IQGAP2: variants seen among roughly 807,000 people sequenced by gnomAD.
The protein encoded by IQGAP2 is ras GTPase-activating-like protein IQGAP2.
A neutral mutation model predicts 201.3 loss-of-function variants in IQGAP2; 173 were observed. That is an observed-to-expected ratio of 0.86 (90% CI 0.76 to 0.98). IQGAP2 has a LOEUF of 0.98. Among genes scored for constraint, IQGAP2 ranks in the 50% least tolerant of loss-of-function variants. IQGAP2 has a pLI of 0.00. For synonymous variants in IQGAP2, 675 were observed against 673.9 expected (o/e 1.00, Z -0.03); for missense variants, 1,687 against 1,864.8 (o/e 0.90, Z 1.76).
At chr5:76,642,017 T>C (rs1051413858) in intron 17 of IQGAP2, among the ~76,000 whole-genome samples, 6 of 152,174 alleles carry the variant, frequency 3.9e-5, no homozygotes, top group African/African-American at 1.2e-4. Context: ...TAAGATATTA[T>C]TAGCAAAGCA....
intron 16 of IQGAP2, among the ~76,000 whole-genome samples, chr5:76,639,012 G>C (rs937556307): frequency 2.0e-5 from 3 of 152,172 alleles, no homozygotes; most frequent in African/African-American, 7.2e-5. Flanking sequence ...TTTCCAACTG[G>C]TGTCTCTACA....
At chr5:76,492,066 A>G (rs904994176) in intron 2 of IQGAP2, among the ~76,000 whole-genome samples, 8 of 152,178 alleles carry the variant, frequency 5.3e-5, no homozygotes. Flanking sequence ...GACCTTAGTA[A>G]TAACATCATA....
intron 9 of IQGAP2, among the ~76,000 whole-genome samples, chr5:76,594,678 A>G (rs937920046): frequency 3.9e-5 from 6 of 152,190 alleles, no homozygotes; most frequent in Non-Finnish European, 5.9e-5. Flanking sequence ...TAAAATACGT[A>G]AGAATCAGCT....
chr5:76,679,449 C>A (rs1745097492), intron 28 of IQGAP2, among the ~76,000 whole-genome samples: 1 of 152,312 alleles, frequency 6.6e-6, no homozygotes, highest in Admixed American at 6.5e-5. Flanking sequence ...TGTCTGCCTT[C>A]TGTGTGGAGG....
At chr5:76,670,803 A>G (rs578169898) in intron 23 of IQGAP2, among the ~76,000 whole-genome samples, 7 of 152,348 alleles carry the variant, frequency 4.6e-5, no homozygotes, top group East Asian at 1.9e-4. Context: ...AGTTCATTCA[A>G]TCAAGAAAGT....
intron 2 of IQGAP2, among the ~76,000 whole-genome samples, chr5:76,552,082 A>T (rs528913894): frequency 1.3e-5 from 2 of 152,154 alleles, no homozygotes; most frequent in Non-Finnish European, 2.9e-5. Context: ...GGGTGAGAGT[A>T]GTAGCTTTAG....
chr5:76,590,370 G>A (rs2150307987), intron 7 of IQGAP2, 38 bp from the exon 8 acceptor site: 1 of 1,527,228 alleles, frequency 6.5e-7, no homozygotes. Flanking sequence ...GTCTTTTGCT[G>A]ATAAAAACCT....
At chr5:76,490,008 T>C (rs1476396145) in intron 2 of IQGAP2, among the ~76,000 whole-genome samples, 2 of 152,116 alleles carry the variant, frequency 1.3e-5, no homozygotes, top group African/African-American at 2.4e-5. Flanking sequence ...GTGAAGAGAG[T>C]TCTGTTGGCA....
chr5:76,660,540 G>A (rs957947314), intron 21 of IQGAP2, among the ~76,000 whole-genome samples: 1 of 152,092 alleles, frequency 6.6e-6, no homozygotes, highest in African/African-American at 2.4e-5. Flanking sequence ...TTAAAATAAA[G>A]GCTTAGTTGC....
At chr5:76,640,785 A>G (rs990104758) in intron 16 of IQGAP2, 148 bp from the exon 17 acceptor site, 8 of 544,362 alleles carry the variant, frequency 1.5e-5, no homozygotes, top group African/African-American at 1.3e-4. Context: ...AGCCAGTTTC[A>G]TCCCTCAGCT....
At chr5:76,527,489 T>C (rs1242919266) in intron 2 of IQGAP2, among the ~76,000 whole-genome samples, 1 of 152,174 alleles carries the variant, frequency 6.6e-6, no homozygotes, top group African/African-American at 2.4e-5. Flanking sequence ...AAAGTGAAAA[T>C]ATAGTAAATT....
At chr5:76,641,726 C>G (rs1300931191) in intron 17 of IQGAP2, among the ~76,000 whole-genome samples, 1 of 152,142 alleles carries the variant, frequency 6.6e-6, no homozygotes, top group Non-Finnish European at 1.5e-5. Context: ...CCAGTCACCA[C>G]ACTGGTTTGT....
chr5:76,685,724 T>C (rs1383996888), intron 30 of IQGAP2, among the ~76,000 whole-genome samples: 2 of 152,154 alleles, frequency 1.3e-5, no homozygotes, highest in African/African-American at 4.8e-5. Context: ...AAACAAACAC[T>C]ATCCACTTCT....
At chr5:76,536,836 G>A (rs1759656797) in intron 2 of IQGAP2, among the ~76,000 whole-genome samples, 1 of 151,964 alleles carries the variant, frequency 6.6e-6, no homozygotes, top group Non-Finnish European at 1.5e-5. Flanking sequence ...TTTTACCTGT[G>A]GAAAATGATT....
chr5:76,496,752 T>TC (rs1467945212), intron 2 of IQGAP2, among the ~76,000 whole-genome samples: 14 of 67,258 alleles, frequency 2.1e-4, no homozygotes, highest in African/African-American at 1.2e-3. Flanking sequence ...TTTCTTTCTT[T>TC]CTTTCTTTCT....
chr5:76,428,941 A>C (rs938431996), intron 1 of IQGAP2, among the ~76,000 whole-genome samples: 13 of 151,834 alleles, frequency 8.6e-5, no homozygotes, highest in African/African-American at 3.1e-4. Flanking sequence ...AAAAATACAT[A>C]AATTAGCCAG....
At chr5:76,560,183 T>C (rs1335534215) in intron 2 of IQGAP2, among the ~76,000 whole-genome samples, 1 of 152,192 alleles carries the variant, frequency 6.6e-6, no homozygotes, top group African/African-American at 2.4e-5. Context: ...GACAGAGTCT[T>C]GCACTGTTGC....
intron 1 of IQGAP2, among the ~76,000 whole-genome samples, chr5:76,454,484 T>C (rs1458153509): frequency 1.5e-5 from 2 of 136,800 alleles, no homozygotes; most frequent in Non-Finnish European, 3.1e-5. Flanking sequence ...ATGTTCCACT[T>C]CCTGTGTCCA....
chr5:76,650,271 A>G (rs1031436334), intron 17 of IQGAP2, among the ~76,000 whole-genome samples: 13 of 152,254 alleles, frequency 8.5e-5, no homozygotes, highest in East Asian at 1.9e-4. Context: ...TGTGTGTACA[A>G]TGATGGGGTA....
Sources: gnomAD v4.1 joint callset for allele counts (sites outside exome capture counted in the v4.1 genomes callset) on GRCh38, gnomAD v4.1.1 for gene constraint, MANE v1.5 for transcripts, NCBI Gene and HGNC (gene_info 2026-07-23, HGNC 2026-07-21) for gene names.